Variants in SIPA1L1 observed in about 807,000 individuals in gnomAD.
The protein encoded by SIPA1L1 is signal induced proliferation associated 1 like 1, also known as signal-induced proliferation-associated 1-like protein 1.
A neutral mutation model predicts 162.7 loss-of-function variants in SIPA1L1; 26 were observed. The observed-to-expected ratio is 0.16, with a 90% CI of 0.12 to 0.22. The LOEUF is 0.22. Ranked by LOEUF, SIPA1L1 falls within the 10% of genes least tolerant of loss-of-function variation. SIPA1L1 has a pLI of 1.00. For missense variants in SIPA1L1, 1,874 were observed against 2,241.0 expected (o/e 0.84, Z 3.31); for synonymous variants, 829 against 837.4 (o/e 0.99, Z 0.17).
chr14:71,665,518 C>T (rs2043917714), intron 10 of SIPA1L1, among the ~76,000 whole-genome samples: 1 of 152,042 alleles, frequency 6.6e-6, no homozygotes, highest in Non-Finnish European at 1.5e-5. Flanking sequence ...TATCTGATCC[C>T]AGTTGATAGA....
In SIPA1L1 at chr14:71,587,593, C is replaced by T. The variant is rs1466440931; in HGVS notation, c.-280C>T. On this transcript the variant is annotated 5_prime_UTR_variant, in exon 5 of 24. Transcript: ENST00000381232. ...TAGAGAAAGCATGGGATTATGGCAA[C>T]CACAGAATCTCAGTAGTACAAGTTC... 2.3e-6 allele frequency: 1 copy of T among 427,942 alleles called. No homozygotes were observed. Among genetic ancestry groups the T allele is most frequent in the African/African-American group, 2.0e-5 (1 of 49,232 alleles). 26.5% of individuals were successfully genotyped at this position (427,942 alleles called of 1,614,324 possible). A position where few individuals can be genotyped will look rare whatever the true frequency, so the allele number is the denominator to read the frequency against.
chr14:71,623,998 AG>A, intron 6 of SIPA1L1, 49 bp from the exon 7 acceptor site: 1 of 1,493,866 alleles, frequency 6.7e-7, no homozygotes, highest in Non-Finnish European at 9.1e-7. Flanking sequence ...ACATGTGTTC[AG>A]GCATCTCACA....
At chr14:71,726,151 T>G (rs181222396) in intron 19 of SIPA1L1, among the ~76,000 whole-genome samples, 37 of 152,320 alleles carry the variant, frequency 2.4e-4, no homozygotes, top group Admixed American at 2.2e-3. Flanking sequence ...TGTCGAGAAA[T>G]AAATGATTTG....
At position 71,709,412 on chromosome 14, in the gene SIPA1L1, C is replaced by T. The variant is rs2082704411; in HGVS notation, c.3956C>T (p.Thr1319Ile). ...TCTTATGGCCCCAGCCACGGCAGCACAGCCTCGCTGGGGGCTGCCACATCG... is the reference window on the plus strand; with the variant it reads ...TCTTATGGCCCCAGCCACGGCAGCATAGCCTCGCTGGGGGCTGCCACATCG... ...TTSYGPSHGS[T>I]ASLGAATSSP... Residue 1319 changes from threonine to isoleucine, a missense_variant, in exon 17 of 24, where the codon ACA becomes ATA. Thr to Ile is a moderately conservative substitution (Grantham distance 89). Coordinates refer to ENST00000381232, the MANE Select transcript of SIPA1L1 (RefSeq NM_001386936.1). The T allele has an allele frequency of 1.9e-6, 3 of 1,614,106 alleles. No homozygotes were observed. In the African/African-American group the frequency reaches 4.0e-5, roughly 22 times the overall value.
At chr14:71,669,916 A>G (rs2044354666) in intron 10 of SIPA1L1, among the ~76,000 whole-genome samples, 1 of 152,198 alleles carries the variant, frequency 6.6e-6, no homozygotes, top group Non-Finnish European at 1.5e-5. Flanking sequence ...TATTTCTTGA[A>G]AAACAAAGCT....
chr14:71,463,185 A>T (rs2046738544), intron 2 of SIPA1L1, among the ~76,000 whole-genome samples: 4 of 152,124 alleles, frequency 2.6e-5, no homozygotes, highest in Admixed American at 2.6e-4. Context: ...TTTTTGATTT[A>T]CTATTTTTCT....
intron 2 of SIPA1L1, among the ~76,000 whole-genome samples, chr14:71,434,256 C>T (rs189943618): frequency 1.3e-5 from 2 of 152,148 alleles, no homozygotes; most frequent in Non-Finnish European, 2.9e-5. Flanking sequence ...GACAGATGTC[C>T]TGTATGTTTA....
chr14:71,729,831 A>G (rs1237343483), intron 19 of SIPA1L1, among the ~76,000 whole-genome samples: 2 of 152,250 alleles, frequency 1.3e-5, no homozygotes, highest in Non-Finnish European at 2.9e-5. Flanking sequence ...TGAATCACAT[A>G]GGGAGCACTG....
chr14:71,389,070 G>A (rs1057387829), intron 2 of SIPA1L1, among the ~76,000 whole-genome samples: 1 of 152,104 alleles, frequency 6.6e-6, no homozygotes, highest in Non-Finnish European at 1.5e-5. Context: ...ATGAGCCACC[G>A]TGCCTGACCT....
At chr14:71,731,798 C>G (rs2084811194) in intron 20 of SIPA1L1, among the ~76,000 whole-genome samples, 1 of 152,186 alleles carries the variant, frequency 6.6e-6, no homozygotes, top group South Asian at 2.1e-4. Context: ...ACAGGCAGCC[C>G]TCTCTGAGCC....
intron 17 of SIPA1L1, among the ~76,000 whole-genome samples, chr14:71,723,151 G>A (rs2083902418): frequency 6.6e-6 from 1 of 152,214 alleles, no homozygotes; most frequent in African/African-American, 2.4e-5. Flanking sequence ...CCATGGGGAA[G>A]GAGCACTCAC....
At chr14:71,484,103 AT>A (rs2048560931) in intron 2 of SIPA1L1, among the ~76,000 whole-genome samples, 1 of 152,140 alleles carries the variant, frequency 6.6e-6, no homozygotes, top group African/African-American at 2.4e-5. Context: ...AATAGACACT[AT>A]CCTCAGTATG....
At chr14:71,458,732 C>T (rs1165147671) in intron 2 of SIPA1L1, among the ~76,000 whole-genome samples, 2 of 152,056 alleles carry the variant, frequency 1.3e-5, no homozygotes, top group Non-Finnish European at 2.9e-5. Context: ...TGACATTTCT[C>T]CCTTGACATT....
At chr14:71,507,651 GTTAC>G (rs772471384) in intron 2 of SIPA1L1, among the ~76,000 whole-genome samples, 8 of 152,066 alleles carry the variant, frequency 5.3e-5, no homozygotes, top group Non-Finnish European at 1.0e-4. Flanking sequence ...TTCTCTTACT[GTTAC>G]TTACTTACCT....
At chr14:71,476,934 C>T (rs1057070108) in intron 2 of SIPA1L1, among the ~76,000 whole-genome samples, 15 of 152,060 alleles carry the variant, frequency 9.9e-5, no homozygotes, top group African/African-American at 3.6e-4. Flanking sequence ...GTGTAACTAC[C>T]CCATAACTCT....
intron 2 of SIPA1L1, among the ~76,000 whole-genome samples, chr14:71,333,455 A>G (rs190557515): frequency 3.5e-4 from 53 of 152,366 alleles, no homozygotes; most frequent in Non-Finnish European, 5.7e-4. Flanking sequence ...GAAATTCAAC[A>G]TAGTATTGAC....
At chr14:71,371,698 C>G (rs773675776) in intron 2 of SIPA1L1, among the ~76,000 whole-genome samples, 8 of 152,098 alleles carry the variant, frequency 5.3e-5, no homozygotes, top group Non-Finnish European at 1.0e-4. Flanking sequence ...CCGTGCCTGG[C>G]CAGAGTCTTC....
At chr14:71,626,838 T>A (rs191953159) in intron 7 of SIPA1L1, among the ~76,000 whole-genome samples, 1 of 152,290 alleles carries the variant, frequency 6.6e-6, no homozygotes, top group Non-Finnish European at 1.5e-5. Context: ...CACAATTTAT[T>A]TCCTATATTG....
Position 71,667,393 on chromosome 14 carries a change from C to G in SIPA1L1, c.2256-3726C>G, listed in dbSNP as rs530799348. 5.0e-3 allele frequency among the ~76,000 whole-genome samples: 759 copies of G among 152,336 alleles called. 6 individuals carry two copies. Among genetic ancestry groups the G allele is most frequent in the Middle Eastern group, 0.024 (7 of 294 alleles). On this transcript the variant is annotated intron_variant, in intron 10 of 23. Coordinates refer to ENST00000381232, the MANE Select transcript of SIPA1L1 (RefSeq NM_001386936.1). ...AGGAGACTCAAATCACTGGCTGTGG[C>G]TCCCACCAGACTTTGAGTTTCTGGA... is the stretch of plus-strand genomic sequence containing the variant.
Sources: gnomAD v4.1 joint callset for allele counts (sites outside exome capture counted in the v4.1 genomes callset) on GRCh38, gnomAD v4.1.1 for gene constraint, MANE v1.5 for transcripts, NCBI Gene and HGNC (gene_info 2026-07-23, HGNC 2026-07-21) for gene names.